NT5C2: variants seen among roughly 807,000 people sequenced by gnomAD.
NT5C2 encodes cytosolic purine 5'-nucleotidase.
Under a neutral mutation model 76.1 loss-of-function variants are expected in NT5C2, and 58 were observed. The ratio of observed to expected loss-of-function variants is 0.76; its 90% CI spans 0.62 to 0.95. The LOEUF is 0.95. Among genes scored for constraint, NT5C2 ranks in the 40% least tolerant of loss-of-function variants. The pLI, the probability that NT5C2 is intolerant of heterozygous loss-of-function variation, is 0.00. For synonymous variants in NT5C2, 229 were observed against 237.4 expected (o/e 0.96, Z 0.32); for missense variants, 478 against 690.3 (o/e 0.69, Z 3.45).
At position 103,189,086 on chromosome 10, in the gene NT5C2, T is replaced by G. The variant is rs550982698; in HGVS notation, c.-169+4150A>C. Among the ~76,000 whole-genome samples the G allele has an allele frequency of 3.9e-5, 6 of 152,148 alleles. No individual in the cohort carries two copies. In the South Asian group the frequency reaches 1.2e-3, roughly 32 times the overall value. On this transcript the variant is annotated intron_variant, in intron 1 of 18. Coordinates refer to ENST00000404739, the MANE Select transcript of NT5C2 (RefSeq NM_001351169.2). The stretch of plus-strand genomic sequence containing the variant: ...AAGACTGAAATCTGATGCCTGAAAT[T>G]TAACGGCTTAAAAAAAAAAATCAGT...
At chr10:103,162,065 GAGTGC>G (rs2085036428) in intron 3 of NT5C2, among the ~76,000 whole-genome samples, 1 of 152,104 alleles carries the variant, frequency 6.6e-6, no homozygotes, top group Admixed American at 6.6e-5. Context: ...TGCCAGGCTG[GAGTGC>G]AGTGGTGCAA....
At chr10:103,097,046 T>C (rs965594705) in intron 11 of NT5C2, among the ~76,000 whole-genome samples, 6 of 151,966 alleles carry the variant, frequency 3.9e-5, no homozygotes, top group South Asian at 2.1e-4. Context: ...TACAAATGTT[T>C]TAAATAACCC....
At chr10:103,142,180 AG>A (rs113642134) in intron 3 of NT5C2, among the ~76,000 whole-genome samples, 18 of 152,218 alleles carry the variant, frequency 1.2e-4, no homozygotes, top group Admixed American at 7.2e-4. Context: ...AAGCTATGAA[AG>A]GTTAGTAGGG....
chr10:103,155,246 AGAG>A (rs1224492116), intron 3 of NT5C2, among the ~76,000 whole-genome samples: 1 of 152,192 alleles, frequency 6.6e-6, no homozygotes, highest in Non-Finnish European at 1.5e-5. Flanking sequence ...CGCACAACAG[AGAG>A]GGACATATAG....
At chr10:103,094,173 T>C in intron 13 of NT5C2, 135 bp from the exon 14 acceptor site, 1 of 760,388 alleles carries the variant, frequency 1.3e-6, no homozygotes, top group East Asian at 2.7e-5. Context: ...ACTTACTCTT[T>C]TCAATTAGTG....
intron 4 of NT5C2, among the ~76,000 whole-genome samples, chr10:103,137,254 T>C (rs1471252517): frequency 6.6e-6 from 1 of 151,962 alleles, no homozygotes; most frequent in African/African-American, 2.4e-5. Context: ...AAGATCTACA[T>C]TGGGAAAGTA....
intron 3 of NT5C2, among the ~76,000 whole-genome samples, chr10:103,150,843 T>A (rs2082275328): frequency 6.6e-6 from 1 of 152,244 alleles, no homozygotes; most frequent in East Asian, 1.9e-4. Flanking sequence ...TCGTATATTT[T>A]GGATCCAAGT....
intron 3 of NT5C2, among the ~76,000 whole-genome samples, chr10:103,163,594 T>C (rs2085500666): frequency 6.6e-6 from 1 of 152,132 alleles, no homozygotes; most frequent in African/African-American, 2.4e-5. Context: ...AACCATTTCA[T>C]AATTTGGTTA....
intron 1 of NT5C2, among the ~76,000 whole-genome samples, chr10:103,192,174 G>C (rs534390054): frequency 6.6e-6 from 1 of 152,160 alleles, no homozygotes; most frequent in Non-Finnish European, 1.5e-5. Flanking sequence ...ATTATGGTCA[G>C]TAGTTTGCAT....
chr10:103,191,757 T>C (rs765356790), intron 1 of NT5C2, among the ~76,000 whole-genome samples: 1 of 152,026 alleles, frequency 6.6e-6, no homozygotes, highest in Non-Finnish European at 1.5e-5. Flanking sequence ...TACAGATTTG[T>C]TGGTTACTAA....
intron 11 of NT5C2, among the ~76,000 whole-genome samples, chr10:103,096,432 G>A (rs1346521707): frequency 1.3e-5 from 2 of 152,230 alleles, no homozygotes; most frequent in African/African-American, 2.4e-5. Flanking sequence ...ATTGGGGGAA[G>A]TGGAACTTCT....
intron 3 of NT5C2, among the ~76,000 whole-genome samples, chr10:103,163,387 G>A (rs1200584187): frequency 1.3e-5 from 2 of 152,120 alleles, no homozygotes; most frequent in Non-Finnish European, 2.9e-5. Flanking sequence ...CACCCTCTCT[G>A]TTCACGAGCA....
intron 2 of NT5C2, among the ~76,000 whole-genome samples, chr10:103,177,117 A>G (rs1461755353): frequency 1.3e-5 from 2 of 152,162 alleles, no homozygotes; most frequent in Non-Finnish European, 2.9e-5. Context: ...TACTAAGCTC[A>G]GTCAATGGTG....
intron 4 of NT5C2, among the ~76,000 whole-genome samples, chr10:103,115,220 G>A (rs2074042748): frequency 6.6e-6 from 1 of 152,224 alleles, no homozygotes; most frequent in Non-Finnish European, 1.5e-5. Flanking sequence ...GGGCAACACA[G>A]TGAAACCCCG....
chr10:103,140,089 T>A (rs1300984321), intron 3 of NT5C2: 1 of 152,242 alleles, frequency 6.6e-6, no homozygotes, highest in African/African-American at 2.4e-5. Context: ...CGGATAATTT[T>A]TTATTTTTTG....
intron 1 of NT5C2, among the ~76,000 whole-genome samples, chr10:103,188,373 A>T (rs562429402): frequency 2.0e-4 from 30 of 151,986 alleles, no homozygotes; most frequent in Non-Finnish European, 1.9e-4. Flanking sequence ...AATAAATAAA[A>T]AATAAAGATA....
intron 4 of NT5C2, among the ~76,000 whole-genome samples, chr10:103,127,631 C>G (rs1163033198): frequency 6.6e-6 from 1 of 152,210 alleles, no homozygotes; most frequent in Non-Finnish European, 1.5e-5. Context: ...TCTCTTTTAA[C>G]AAACTACTCT....
chr10:103,127,772 G>A (rs2076944356), intron 4 of NT5C2, among the ~76,000 whole-genome samples: 2 of 152,154 alleles, frequency 1.3e-5, no homozygotes, highest in Non-Finnish European at 2.9e-5. Context: ...TGGCCAGGAT[G>A]GTCTCGATCT....
At chr10:103,135,092 T>C (rs889999842) in intron 4 of NT5C2, among the ~76,000 whole-genome samples, 3 of 152,226 alleles carry the variant, frequency 2.0e-5, no homozygotes, top group African/African-American at 7.2e-5. Flanking sequence ...GATGAGATAT[T>C]GGACTGTGAA....
Sources: gnomAD v4.1 joint callset for allele counts (sites outside exome capture counted in the v4.1 genomes callset) on GRCh38, gnomAD v4.1.1 for gene constraint, MANE v1.5 for transcripts, NCBI Gene and HGNC (gene_info 2026-07-23, HGNC 2026-07-21) for gene names.